DNAH14: variants seen among roughly 807,000 people sequenced by gnomAD.
The protein encoded by DNAH14 is axonemal beta dynein heavy chain 14.
DNAH14 carries 478 observed loss-of-function variants against 520.9 expected under a neutral mutation model. That is an observed-to-expected ratio of 0.92 (90% CI 0.85 to 0.99). DNAH14 has a LOEUF of 0.99. Ranked by LOEUF, DNAH14 falls within the 50% of genes least tolerant of loss-of-function variation. The pLI is 0.00. For synonymous variants in DNAH14, 1,581 were observed against 1,757.2 expected (o/e 0.90, Z 2.51); for missense variants, 4,831 against 5,234.5 (o/e 0.92, Z 2.38).
chr1:225,384,769 A>G (rs1000710098), intron 81 of DNAH14, among the ~76,000 whole-genome samples: 12 of 152,220 alleles, frequency 7.9e-5, no homozygotes, highest in Admixed American at 5.9e-4. Context: ...CCAGGACCAG[A>G]CAGATTCACA....
intron 8 of DNAH14, among the ~76,000 whole-genome samples, chr1:224,984,970 T>A (rs2062528564): frequency 6.6e-6 from 1 of 152,136 alleles, no homozygotes; most frequent in African/African-American, 2.4e-5. Context: ...AAATAATAGA[T>A]GTTGGCATGG....
chr1:225,128,931 C>G (rs2078073608), intron 27 of DNAH14, among the ~76,000 whole-genome samples: 1 of 151,266 alleles, frequency 6.6e-6, no homozygotes, highest in African/African-American at 2.5e-5. Context: ...TTGTCTCAGC[C>G]CAAAATCTCC....
rs769528811 is a variant in DNAH14 at position 225,007,446 on chromosome 1, T to A, written c.1009T>A (p.Phe337Ile). 1 of 1,539,810 alleles carries A rather than the reference T, an allele frequency of 6.5e-7. No homozygotes were observed. ...DSSRTYSLDE[F>I]CEEQLQQATQ... ...TTCTCGAACATATTCTCTAGATGAA[T>A]TTTGTGAAGAGCAGTTACAGCAAGC... Residue 337 changes from phenylalanine (F) to isoleucine (I), a missense_variant, in exon 10 of 86, where the codon TTT (phenylalanine) becomes ATT (isoleucine). Physicochemically the swap from Phe to Ile is conservative, Grantham distance 21. Transcript: ENST00000682510.
chr1:225,267,862 A>T (rs975922743), intron 49 of DNAH14, among the ~76,000 whole-genome samples: 3 of 151,874 alleles, frequency 2.0e-5, no homozygotes, highest in Non-Finnish European at 4.4e-5. Flanking sequence ...CCTCAAGCCA[A>T]GGCAGAGGGG....
intron 65 of DNAH14, among the ~76,000 whole-genome samples, chr1:225,332,009 G>A (rs1179279179): frequency 1.3e-5 from 2 of 151,812 alleles, no homozygotes; most frequent in Non-Finnish European, 2.9e-5. Flanking sequence ...AGAAAGTAAA[G>A]GAATAAAGAA....
At chr1:225,212,533 G>A (rs1253910294) in intron 41 of DNAH14, among the ~76,000 whole-genome samples, 1 of 152,124 alleles carries the variant, frequency 6.6e-6, no homozygotes, top group Non-Finnish European at 1.5e-5. Flanking sequence ...CAGTGTAAAA[G>A]TGTTCCTATT....
chr1:225,126,003 G>C (rs142005676), intron 27 of DNAH14, among the ~76,000 whole-genome samples: 29 of 152,236 alleles, frequency 1.9e-4, no homozygotes, highest in East Asian at 1.5e-3. Flanking sequence ...ATGGGGGAAT[G>C]ACTATTTGGT....
At chr1:224,999,079 G>A (rs147219077) in intron 8 of DNAH14, among the ~76,000 whole-genome samples, 1,889 of 151,816 alleles carry the variant, frequency 0.012, 18 homozygotes, top group Non-Finnish European at 0.021. Flanking sequence ...TAGCCACTAT[G>A]TTTTCTTTTG....
intron 46 of DNAH14, among the ~76,000 whole-genome samples, chr1:225,263,024 A>G (rs921780891): frequency 2.0e-5 from 3 of 151,814 alleles, no homozygotes; most frequent in African/African-American, 7.2e-5. Context: ...AGAACAAACA[A>G]TAAATCTACC....
intron 54 of DNAH14, among the ~76,000 whole-genome samples, chr1:225,279,653 C>G (rs558659207): frequency 3.3e-4 from 50 of 152,050 alleles, no homozygotes; most frequent in African/African-American, 1.1e-3. Flanking sequence ...CAGAGGAAAA[C>G]AAGAAAACTA....
intron 41 of DNAH14, among the ~76,000 whole-genome samples, chr1:225,209,034 G>GT (rs2087978701): frequency 6.6e-6 from 1 of 151,916 alleles, no homozygotes; most frequent in Non-Finnish European, 1.5e-5. Flanking sequence ...TTTAATCATA[G>GT]TTTTTTAAAA....
chr1:224,970,386 C>CGGTCCTGT (rs1209348972), intron 7 of DNAH14, among the ~76,000 whole-genome samples: 1 of 152,114 alleles, frequency 6.6e-6, no homozygotes, highest in African/African-American at 2.4e-5. Context: ...AATTTCGCCC[C>CGGTCCTGT]GGTCCTGTGG....
At chr1:225,082,512 A>C in intron 19 of DNAH14, 37 bp from the exon 20 acceptor site, 2 of 1,373,318 alleles carry the variant, frequency 1.5e-6, no homozygotes, top group Non-Finnish European at 1.9e-6. Context: ...AATATAATGA[A>C]CATATTATAA....
intron 64 of DNAH14, among the ~76,000 whole-genome samples, chr1:225,327,491 CA>C (rs1461701044): frequency 3.3e-5 from 5 of 151,972 alleles, no homozygotes; most frequent in Admixed American, 1.3e-4. Flanking sequence ...GCCAGTGGGT[CA>C]CAGAAGAAAT....
intron 11 of DNAH14, among the ~76,000 whole-genome samples, chr1:225,025,338 A>ATG (rs1021961648): frequency 2.7e-5 from 4 of 150,748 alleles, no homozygotes; most frequent in African/African-American, 7.3e-5. Flanking sequence ...TCTCAAATAT[A>ATG]TATATATATA....
chr1:225,346,430 A>G (rs778642883), intron 70 of DNAH14, 26 bp from the exon 71 acceptor site: 49 of 1,536,246 alleles, frequency 3.2e-5, no homozygotes, highest in African/African-American at 4.2e-5. Flanking sequence ...ATCTCACTGG[A>G]TTAATATGTT....
At chr1:224,930,976 C>T (rs183253411) in intron 1 of DNAH14, among the ~76,000 whole-genome samples, 8 of 152,274 alleles carry the variant, frequency 5.3e-5, no homozygotes, top group Middle Eastern at 3.4e-3. Context: ...CAGCCTTAGG[C>T]TGGTCCTTTA....
intron 8 of DNAH14, among the ~76,000 whole-genome samples, chr1:225,001,235 T>G (rs1285799919): frequency 6.6e-6 from 1 of 152,124 alleles, no homozygotes; most frequent in Non-Finnish European, 1.5e-5. Context: ...GCCACCTTGC[T>G]TTTTCTTCCC....
intron 19 of DNAH14, 128 bp from the exon 20 acceptor site, chr1:225,082,421 A>G (rs2073244386): frequency 1.5e-6 from 1 of 659,074 alleles, no homozygotes; most frequent in South Asian, 3.0e-5. Context: ...TGTTATTTTA[A>G]TGTAGTTTAA....
Sources: gnomAD v4.1 joint callset for allele counts (sites outside exome capture counted in the v4.1 genomes callset) on GRCh38, gnomAD v4.1.1 for gene constraint, MANE v1.5 for transcripts, NCBI Gene and HGNC (gene_info 2026-07-23, HGNC 2026-07-21) for gene names.